The following ARFIP1 variants were observed in gnomAD, a reference collection of about 807,000 sequenced individuals.
ARFIP1 encodes arfaptin-1.
Under a neutral mutation model 42.5 loss-of-function variants are expected in ARFIP1, and 24 were observed. The ratio of observed to expected loss-of-function variants is 0.57; its 90% confidence interval spans 0.41 to 0.80. The LOEUF is 0.80. Ranked by LOEUF, ARFIP1 falls within the 30% of genes least tolerant of loss-of-function variation. The pLI, the probability that ARFIP1 is intolerant of heterozygous loss-of-function variation, is 0.00. For synonymous variants in ARFIP1, 141 were observed against 153.7 expected (o/e 0.92, Z 0.61); for missense variants, 354 against 434.0 (o/e 0.82, Z 1.64).
intron 2 of ARFIP1, among the ~76,000 whole-genome samples, chr4:152,832,317 G>C (rs1273801280): frequency 1.3e-5 from 2 of 152,130 alleles, no homozygotes; most frequent in Non-Finnish European, 2.9e-5. Flanking sequence ...ATAAAATGCT[G>C]TTCCCTGATG....
chr4:152,843,995 G>A (rs1732332511), intron 2 of ARFIP1, among the ~76,000 whole-genome samples: 1 of 152,170 alleles, frequency 6.6e-6, no homozygotes, highest in African/African-American at 2.4e-5. Context: ...TCACTGTGGA[G>A]TTTTACCCCC....
At chr4:152,852,022 T>A (rs1210213616) in intron 2 of ARFIP1, among the ~76,000 whole-genome samples, 1 of 152,250 alleles carries the variant, frequency 6.6e-6, no homozygotes, top group Non-Finnish European at 1.5e-5. Flanking sequence ...GCATATTTTG[T>A]TTTAGCTTAA....
intron 8 of ARFIP1, among the ~76,000 whole-genome samples, chr4:152,908,228 A>T (rs879417713): frequency 7.2e-5 from 11 of 152,188 alleles, no homozygotes; most frequent in Non-Finnish European, 1.5e-4. Context: ...TATTCCAGAT[A>T]CACATTCTTT....
chr4:152,893,372 G>A (rs1737025209), intron 8 of ARFIP1, among the ~76,000 whole-genome samples: 1 of 151,868 alleles, frequency 6.6e-6, no homozygotes, highest in South Asian at 2.1e-4. Context: ...GAGGCAAAAA[G>A]TTAAAGAAAA....
intron 3 of ARFIP1, among the ~76,000 whole-genome samples, chr4:152,867,302 C>T (rs1734485753): frequency 6.6e-6 from 1 of 152,114 alleles, no homozygotes; most frequent in Non-Finnish European, 1.5e-5. Context: ...GTGACCAGCC[C>T]GGCCAACACA....
intron 1 of ARFIP1, among the ~76,000 whole-genome samples, chr4:152,820,287 C>A (rs978850326): frequency 3.3e-5 from 5 of 152,130 alleles, no homozygotes; most frequent in Admixed American, 1.3e-4. Flanking sequence ...CTGGCATAAA[C>A]CCTGAACTGT....
chr4:152,897,418 C>T (rs1033553463), intron 8 of ARFIP1, among the ~76,000 whole-genome samples: 1 of 151,874 alleles, frequency 6.6e-6, no homozygotes, highest in Non-Finnish European at 1.5e-5. Flanking sequence ...GGAAGGATAG[C>T]TTTATAATTA....
At chr4:152,789,080 CTTTTTTTTTTTTTTTTT>C (rs71598215) in intron 1 of ARFIP1, among the ~76,000 whole-genome samples, 1 of 71,858 alleles carries the variant, frequency 1.4e-5, no homozygotes, top group South Asian at 4.6e-4. Flanking sequence ...AGAATACAGA[CTTTTTTTTTTTTTTTTT>C]TTTTTTTTTT....
intron 8 of ARFIP1, among the ~76,000 whole-genome samples, chr4:152,907,073 A>G (rs1738422399): frequency 6.6e-6 from 1 of 152,086 alleles, no homozygotes; most frequent in African/African-American, 2.4e-5. Flanking sequence ...AACATACTAT[A>G]TATGTTAGAT....
chr4:152,842,897 ACCT>A (rs1165118854), intron 2 of ARFIP1, among the ~76,000 whole-genome samples: 2 of 151,746 alleles, frequency 1.3e-5, no homozygotes, highest in Non-Finnish European at 2.9e-5. Flanking sequence ...TTAATAACTA[ACCT>A]CCTGAATTCT....
At chr4:152,782,281 T>A (rs2149810618) in intron 1 of ARFIP1, among the ~76,000 whole-genome samples, 1 of 152,144 alleles carries the variant, frequency 6.6e-6, no homozygotes, top group South Asian at 2.1e-4. Flanking sequence ...GTAAATTGTT[T>A]GCTTTGGGAC....
At position 152,815,767 on chromosome 4, in the gene ARFIP1, C is replaced by T. The variant is rs536152915; in HGVS notation, c.-9-13858C>T. Reference sequence around the variant, plus strand: ...TTTTTTTTTTTTTTTTTTTTTGAGACGGAGTCTCGCTCTGTCGCCCAGGCT... The same window carrying T: ...TTTTTTTTTTTTTTTTTTTTTGAGATGGAGTCTCGCTCTGTCGCCCAGGCT... On this transcript the variant is annotated intron_variant, in intron 1 of 8. Coordinates refer to ENST00000353617, the MANE Select transcript of ARFIP1 (RefSeq NM_001025595.3). Among the ~76,000 whole-genome samples the T allele has an allele frequency of 1.6e-4, 18 of 109,236 alleles. No homozygotes were observed. The East Asian group carries it at 4.3e-3, about 26-fold the overall frequency. The allele number at this position is 109,236 out of a possible 152,430, so 71.7% of individuals were successfully genotyped here.
intron 2 of ARFIP1, among the ~76,000 whole-genome samples, chr4:152,858,585 A>G (rs1733625370): frequency 6.6e-6 from 1 of 152,238 alleles, no homozygotes; most frequent in Non-Finnish European, 1.5e-5. Flanking sequence ...CAGCTTCTTA[A>G]TCTACATGGC....
At chr4:152,797,535 GT>G (rs1162362018) in intron 1 of ARFIP1, among the ~76,000 whole-genome samples, 1 of 152,190 alleles carries the variant, frequency 6.6e-6, no homozygotes, top group Non-Finnish European at 1.5e-5. Flanking sequence ...AATTTATAAA[GT>G]AAGGGAGAAA....
chr4:152,879,197 G>T (rs1277036267), intron 5 of ARFIP1, among the ~76,000 whole-genome samples: 3 of 150,712 alleles, frequency 2.0e-5, no homozygotes, highest in Non-Finnish European at 4.4e-5. Context: ...AAAAAAAAAA[G>T]TTTATAAGGC....
intron 1 of ARFIP1, among the ~76,000 whole-genome samples, chr4:152,799,134 TTGCAGTG>T (rs1309535027): frequency 6.6e-6 from 1 of 152,264 alleles, no homozygotes; most frequent in Non-Finnish European, 1.5e-5. Flanking sequence ...TTTTTACTTA[TTGCAGTG>T]TGCATTTTTA....
intron 1 of ARFIP1, among the ~76,000 whole-genome samples, chr4:152,826,138 A>T (rs368299238): frequency 8.5e-4 from 129 of 152,350 alleles, no homozygotes; most frequent in East Asian, 4.8e-3. Context: ...ATCTACCCAA[A>T]GGAAAAAAAG....
At chr4:152,858,249 A>G (rs777424449) in intron 2 of ARFIP1, among the ~76,000 whole-genome samples, 11 of 152,088 alleles carry the variant, frequency 7.2e-5, no homozygotes, top group Non-Finnish European at 1.5e-4. Context: ...CCCAGATCAC[A>G]CCACTGCACT....
chr4:152,903,022 A>G (rs1199212331), intron 8 of ARFIP1, among the ~76,000 whole-genome samples: 1 of 152,216 alleles, frequency 6.6e-6, no homozygotes, highest in African/African-American at 2.4e-5. Flanking sequence ...TTGTATTGCA[A>G]TTCCTTTTCT....
Sources: allele counts gnomAD v4.1 joint callset (sites outside exome capture counted in the v4.1 genomes callset), GRCh38; gene constraint gnomAD v4.1.1; transcripts MANE v1.5; gene names NCBI Gene and HGNC (gene_info 2026-07-23, HGNC 2026-07-21).